TRABD2B: variants seen among roughly 807,000 people sequenced by gnomAD.
TRABD2B encodes the protein TraB domain containing 2B.
TRABD2B carries 14 observed loss-of-function variants against 40.1 expected under a neutral mutation model. The observed-to-expected ratio is 0.35, with a 90% confidence interval of 0.23 to 0.55. The LOEUF (loss-of-function observed/expected upper bound fraction) is 0.55. TRABD2B is among the 20% of genes least tolerant of loss of function. The probability of loss-of-function intolerance (pLI) is 0.90; values close to 1 mark genes in which losing one functional copy is unlikely to be tolerated. For missense variants in TRABD2B, 541 were observed against 648.6 expected, an observed-to-expected ratio of 0.83 and a Z score of 1.80; for synonymous variants, 263 against 277.0, an observed-to-expected ratio of 0.95 and a Z score of 0.50.
At chr1:47,910,042 T>C (rs1264121296) in intron 2 of TRABD2B, among the ~76,000 whole-genome samples, 2 of 151,196 alleles carry the variant, frequency 1.3e-5, no homozygotes, top group Non-Finnish European at 2.9e-5. Flanking sequence ...GTATTTTTTG[T>C]AGAGATGGGG....
chr1:47,994,867 G>A lies in TRABD2B; in HGVS notation c.103-270C>T, dbSNP rs1646067870. Among the ~76,000 whole-genome samples, 1 of 152,156 alleles carries A rather than the reference G, an allele frequency of 6.6e-6. No individual in the cohort carries two copies. Among genetic ancestry groups the A allele is most frequent in the Admixed American group, 6.6e-5 (1 of 15,264 alleles). On this transcript the variant is annotated intron_variant, in intron 1 of 6. Coordinates refer to ENST00000606738, the MANE Select transcript of TRABD2B (RefSeq NM_001194986.2). This position sits in a 1 kb window ranked among gnomAD's most constrained non-coding sequence, Gnocchi z 6.7. ...AATGGGGGTGAAAGCAACTACCTCG[G>A]GTTGTTGGGAGGATTAAAAGATACA...
intron 2 of TRABD2B, among the ~76,000 whole-genome samples, chr1:47,878,175 GT>G (rs750781198): frequency 6.6e-6 from 1 of 152,102 alleles, no homozygotes; most frequent in Non-Finnish European, 1.5e-5. Flanking sequence ...AATTAGCCAG[GT>G]GTGGTGGCGA....
intron 2 of TRABD2B, among the ~76,000 whole-genome samples, chr1:47,803,612 G>A (rs1644852444): frequency 6.6e-6 from 1 of 152,194 alleles, no homozygotes; most frequent in African/African-American, 2.4e-5. Flanking sequence ...TTGTTACACA[G>A]CATAGTTGTG....
intron 6 of TRABD2B, among the ~76,000 whole-genome samples, chr1:47,773,198 G>C (rs1263407520): frequency 6.6e-6 from 1 of 152,228 alleles, no homozygotes; most frequent in East Asian, 1.9e-4. Context: ...AGCCTAATTG[G>C]AACTTTTAAT....
chr1:47,926,018 A>G (rs1375727945), intron 2 of TRABD2B, among the ~76,000 whole-genome samples: 1 of 152,212 alleles, frequency 6.6e-6, no homozygotes. Flanking sequence ...TGCAAATGTT[A>G]TAATCATTTA....
At chr1:47,835,085 CAG>C (rs1462534103) in intron 2 of TRABD2B, among the ~76,000 whole-genome samples, 4 of 152,002 alleles carry the variant, frequency 2.6e-5, no homozygotes, top group African/African-American at 9.7e-5. Flanking sequence ...AATAAATAAA[CAG>C]AAATTATTTT....
chr1:47,788,163 G>C (rs1187288122), intron 4 of TRABD2B, among the ~76,000 whole-genome samples: 1 of 152,166 alleles, frequency 6.6e-6, no homozygotes, highest in African/African-American at 2.4e-5. Context: ...ATGTGGAAGG[G>C]CCATATAAGT....
At chr1:47,847,731 G>A (rs1271813739) in intron 2 of TRABD2B, among the ~76,000 whole-genome samples, 2 of 152,188 alleles carry the variant, frequency 1.3e-5, no homozygotes, top group Non-Finnish European at 2.9e-5. Context: ...CAGTCAAGAG[G>A]GGGAAATGTC....
chr1:47,860,402 T>G (rs1414327711), intron 2 of TRABD2B, among the ~76,000 whole-genome samples: 4 of 152,172 alleles, frequency 2.6e-5, no homozygotes, highest in Non-Finnish European at 4.4e-5. Context: ...TGTCTCCTCC[T>G]TCTCTTTGTC....
chr1:47,886,095 C>G (rs72898112), intron 2 of TRABD2B, among the ~76,000 whole-genome samples: 4,701 of 152,218 alleles, frequency 0.031, 255 homozygotes, highest in African/African-American at 0.11. Context: ...TTCCTTCATG[C>G]CAAGGATTCA....
intron 2 of TRABD2B, among the ~76,000 whole-genome samples, chr1:47,992,015 A>G (rs1646019118): frequency 6.6e-6 from 1 of 152,216 alleles, no homozygotes; most frequent in Non-Finnish European, 1.5e-5. Context: ...CTACAAAATG[A>G]TAACAGGACA....
At chr1:47,776,349 A>G (rs993034598) in intron 5 of TRABD2B, among the ~76,000 whole-genome samples, 8 of 152,164 alleles carry the variant, frequency 5.3e-5, no homozygotes, top group African/African-American at 1.9e-4. Context: ...TAATCATATC[A>G]AGCAGCAATG....
intron 2 of TRABD2B, among the ~76,000 whole-genome samples, chr1:47,859,713 C>T (rs1643938662): frequency 3.3e-5 from 5 of 152,194 alleles, no homozygotes; most frequent in Admixed American, 3.3e-4. Context: ...CCATCTCCAC[C>T]TGCCCAAATC....
intron 2 of TRABD2B, among the ~76,000 whole-genome samples, chr1:47,943,262 CAT>C (rs1645211233): frequency 6.6e-6 from 1 of 152,194 alleles, no homozygotes; most frequent in South Asian, 2.1e-4. Flanking sequence ...CGAAATTTCA[CAT>C]GTGTGTGAAA....
At chr1:47,778,315 C>G (rs1290932025) in intron 5 of TRABD2B, 139 bp downstream of exon 5, 2 of 671,520 alleles carry the variant, frequency 3.0e-6, no homozygotes, top group African/African-American at 3.6e-5. Context: ...AATCTCCTGC[C>G]TCCAGCCCAG....
intron 2 of TRABD2B, among the ~76,000 whole-genome samples, chr1:47,824,054 T>C (rs747006815): frequency 4.6e-5 from 7 of 152,142 alleles, no homozygotes; most frequent in Non-Finnish European, 8.8e-5. Flanking sequence ...TCACTGGCCT[T>C]CAGAGGAAAG....
chr1:47,988,259 A>G (rs1286341312), intron 2 of TRABD2B, among the ~76,000 whole-genome samples: 1 of 152,196 alleles, frequency 6.6e-6, no homozygotes, highest in Non-Finnish European at 1.5e-5. Context: ...GAACCAGGGC[A>G]CAGGAGAGAC....
At chr1:47,906,307 G>A (rs1041382316) in intron 2 of TRABD2B, among the ~76,000 whole-genome samples, 1 of 152,124 alleles carries the variant, frequency 6.6e-6, no homozygotes, top group African/African-American at 2.4e-5. Context: ...CCTAGGAGGT[G>A]GACACTATTA....
At chr1:47,990,781 A>C (rs1645994623) in intron 2 of TRABD2B, among the ~76,000 whole-genome samples, 1 of 5,574 alleles carries the variant, frequency 1.8e-4, no homozygotes, top group Non-Finnish European at 3.4e-4. Flanking sequence ...TTATATATAT[A>C]TATATATATA....
Sources: allele counts gnomAD v4.1 joint callset (sites outside exome capture counted in the v4.1 genomes callset), GRCh38; gene constraint gnomAD v4.1.1; non-coding constraint Gnocchi (gnomAD v3.1); transcripts MANE v1.5; gene names NCBI Gene and HGNC (gene_info 2026-07-23, HGNC 2026-07-21).